RAB44: variants seen among roughly 807,000 people sequenced by gnomAD.
The protein encoded by RAB44 is ras-related protein Rab-44.
RAB44 carries 67 observed loss-of-function variants against 93.3 expected under a neutral mutation model. That is an observed-to-expected ratio of 0.72 (90% CI 0.59 to 0.88). The LOEUF (loss-of-function observed/expected upper bound fraction) is 0.88. Among genes scored for constraint, RAB44 ranks in the 40% least tolerant of loss-of-function variants. RAB44 has a pLI of 0.00. For synonymous variants in RAB44, 427 were observed against 520.3 expected, an observed-to-expected ratio of 0.82 and a Z score of 2.44; for missense variants, 1,064 against 1,261.7, an observed-to-expected ratio of 0.84 and a Z score of 2.37.
In RAB44 at chr6:36,718,010, A is replaced by G. The variant is rs563960086; in HGVS notation, c.642-18A>G. 2.8e-5 allele frequency: 34 copies of G among 1,230,672 alleles called. No homozygotes were observed. The African/African-American group carries it at 3.7e-4, about 14-fold the overall frequency. The allele number at this position is 1,230,672 out of a possible 1,614,324, so 76.2% of individuals were successfully genotyped here. Reference sequence around the variant, plus strand: ...AGGTGCTGATGGGCTGCCTGGCCCCAACTCCTGCTCCTCCCAGGCGTGACT... The same window carrying G: ...AGGTGCTGATGGGCTGCCTGGCCCCGACTCCTGCTCCTCCCAGGCGTGACT... On this transcript the variant is annotated intron_variant, in intron 5 of 13. Coordinates refer to ENST00000612677, the MANE Select transcript of RAB44 (RefSeq NM_001257357.2).
intron 11 of RAB44, among the ~76,000 whole-genome samples, chr6:36,728,428 G>A (rs1332051099): frequency 1.3e-5 from 2 of 152,188 alleles, no homozygotes; most frequent in Admixed American, 6.5e-5. Context: ...GTGCTGGACT[G>A]TTCAGAACAG....
chr6:36,726,005 C>T (rs890352504), intron 10 of RAB44, 62 bp downstream of exon 10: 3 of 1,303,120 alleles, frequency 2.3e-6, no homozygotes, highest in African/African-American at 2.9e-5. Context: ...TGCAGAGGGA[C>T]AGGGAGCAGC....
At chr6:36,721,093 G>T (rs1319937140) in intron 8 of RAB44, 58 bp from the exon 9 acceptor site, 1 of 1,231,138 alleles carries the variant, frequency 8.1e-7, no homozygotes, top group South Asian at 4.1e-5. Context: ...CAGGTGGGAT[G>T]GGTGTGACAC....
chr6:36,707,972 A>G (rs561089836), intron 2 of RAB44, among the ~76,000 whole-genome samples: 1 of 152,300 alleles, frequency 6.6e-6, no homozygotes, highest in Admixed American at 6.5e-5. Flanking sequence ...GGACTTTGGG[A>G]GGCTGAGGCA....
chr6:36,727,725 C>A, intron 11 of RAB44, 34 bp downstream of exon 11: 1 of 1,382,798 alleles, frequency 7.2e-7, no homozygotes, highest in Non-Finnish European at 1.0e-6. Context: ...GGCCCCAGTC[C>A]CTCCAGTCAA....
chr6:36,721,878 C>T lies in RAB44; in HGVS notation c.1744C>T (p.Pro582Ser). 5.7e-6 allele frequency: 7 copies of T among 1,235,192 alleles called. No homozygotes were observed. Among genetic ancestry groups the T allele is most frequent in the Non-Finnish European group, 7.1e-6 (7 of 988,852 alleles). 76.5% of individuals were successfully genotyped at this position (1,235,192 alleles called of 1,614,324 possible). The change falls in exon 9 of 14, where the codon CCG becomes TCG. Residue 582 changes from proline (P) to serine (S), a missense_variant. Transcript: ENST00000612677. ...CCTCACAGGAGTGGGCCCAGCCAAG[C>T]CGCCCAGGCAGAGAGATGCCCTCCA... Reference protein sequence around the residue: ...TALTGVGPAKPPRQRDALQQD... With the variant: ...TALTGVGPAKSPRQRDALQQD...
intron 12 of RAB44, 44 bp downstream of exon 12, chr6:36,728,845 A>G (rs1763297436): frequency 2.7e-6 from 4 of 1,464,986 alleles, no homozygotes; most frequent in African/African-American, 1.4e-5. Flanking sequence ...TGGACTGGGC[A>G]GACACCTCCC....
rs575309782 is a variant in RAB44 at position 36,730,711 on chromosome 6, G to A, written c.2937G>A (p.Leu979=). 9.2e-5 allele frequency: 113 copies of A among 1,234,230 alleles called. No homozygotes were observed. In the African/African-American group the frequency reaches 1.6e-3, roughly 17 times the overall value. The allele number at this position is 1,234,230 out of a possible 1,614,324, so 76.5% of individuals were successfully genotyped here. A position where few individuals can be genotyped will look rare whatever the true frequency, so the allele number is the denominator to read the frequency against. ...ATTTTGGGGAGTGCAGTGCCGCCTTGGGTCACAACATCCTGGAGCCTGTAG... is the reference window on the plus strand; with the variant it reads ...ATTTTGGGGAGTGCAGTGCCGCCTTAGGTCACAACATCCTGGAGCCTGTAG... ...GVYFGECSAA[L]GHNILEPVVN... is the part of the protein sequence containing the mutation. The change falls in exon 13 of 14, where the codon TTG becomes TTA. Residue 979 remains leucine (L), a synonymous_variant. Transcript: ENST00000612677.
In RAB44 at chr6:36,704,489, T is replaced by C. The variant is rs184797482; in HGVS notation, c.207+47T>C. 2.0e-5 allele frequency: 30 copies of C among 1,491,710 alleles called. No individual in the cohort carries two copies. The East Asian group carries it at 7.4e-4, about 37-fold the overall frequency. The allele number at this position is 1,491,710 out of a possible 1,614,324, so 92.4% of individuals were successfully genotyped here. ...GAATGCTGAATCCCTTTTCCGCAGCTCCTGACACCCCCTCTCCCCCATCAC... is the reference window on the plus strand; with the variant it reads ...GAATGCTGAATCCCTTTTCCGCAGCCCCTGACACCCCCTCTCCCCCATCAC... On this transcript the variant is annotated intron_variant, in intron 2 of 13. Transcript: ENST00000612677.
intron 4 of RAB44, among the ~76,000 whole-genome samples, chr6:36,716,584 C>T (rs1287891963): frequency 1.3e-5 from 2 of 152,096 alleles, no homozygotes; most frequent in African/African-American, 4.8e-5. Context: ...ACCCACTGGC[C>T]CAGGTTTGCT....
Position 36,722,524 on chromosome 6 carries a change from C to T in RAB44, c.2390C>T (p.Ala797Val), listed in dbSNP as rs1392406527. The part of the protein sequence containing the change: ...QGPPHSREPR[A>V]ESRLEDPGMD... The stretch of plus-strand genomic sequence containing the variant: ...CCGCCTCACTCCAGGGAACCAAGGG[C>T]AGAGAGCAGGCTTGAAGATCCAGGA... Residue 797 changes from alanine (A) to valine (V), a missense_variant, in exon 9 of 14, where the codon GCA (alanine) becomes GTA (valine). By Grantham distance (64) the Ala-to-Val change is moderately conservative. Coordinates refer to ENST00000612677, the MANE Select transcript of RAB44 (RefSeq NM_001257357.2). The T allele has an allele frequency of 2.3e-5, 35 of 1,526,250 alleles. 1 individual carries two copies. In the South Asian group the frequency reaches 4.1e-4, roughly 18 times the overall value. 94.5% of individuals were successfully genotyped at this position (1,526,250 alleles called of 1,614,324 possible). A position where few individuals can be genotyped will look rare whatever the true frequency, so the allele number is the denominator to read the frequency against.
At chr6:36,727,512 C>A in intron 10 of RAB44, 65 bp from the exon 11 acceptor site, 1 of 1,123,450 alleles carries the variant, frequency 8.9e-7, no homozygotes, top group Non-Finnish European at 1.3e-6. Flanking sequence ...ACTTCTCCCA[C>A]TTTGCAGAGG....
At chr6:36,720,616 T>G in intron 8 of RAB44, 66 bp downstream of exon 8, 1 of 1,158,662 alleles carries the variant, frequency 8.6e-7, no homozygotes, top group Non-Finnish European at 1.1e-6. Context: ...TGGGGAACTC[T>G]GAGTTCTCTA....
Position 36,715,504 on chromosome 6 carries a change from C to A in RAB44, c.345C>A (p.Ser115Arg), listed in dbSNP as rs1000743433. The change falls in exon 4 of 14, where the codon AGC (serine) becomes AGA (arginine). Residue 115 changes from serine to arginine, a missense_variant. Coordinates refer to ENST00000612677, the MANE Select transcript of RAB44 (RefSeq NM_001257357.2). ...AAAACATCTTTGGCTCCAGCCAGAG[C>A]CCCCACAGGCTCCGCAGAAGGAAGC... The part of the protein sequence containing the change: ...GLKNIFGSSQ[S>R]PHRLRRRKPL... 1.9e-5 allele frequency: 29 copies of A among 1,536,020 alleles called. No individual in the cohort carries two copies. In the African/African-American group the frequency reaches 3.0e-4, roughly 16 times the overall value.
At chr6:36,720,222 G>C in intron 7 of RAB44, 141 bp from the exon 8 acceptor site, 1 of 617,568 alleles carries the variant, frequency 1.6e-6, no homozygotes, top group Non-Finnish European at 2.3e-6. Flanking sequence ...AGGGATAACC[G>C]CCCACCACTA....
rs1000864596 is a variant in RAB44 at position 36,726,047 on chromosome 6, C to T, written c.2681+104C>T. 6.9e-6 allele frequency: 6 copies of T among 874,996 alleles called. No homozygotes were observed. In the African/African-American group the frequency reaches 1.0e-4, roughly 15 times the overall value. 54.2% of individuals were successfully genotyped at this position (874,996 alleles called of 1,614,324 possible). On this transcript the variant is annotated intron_variant, in intron 10 of 13. Coordinates refer to ENST00000612677, the MANE Select transcript of RAB44 (RefSeq NM_001257357.2). ...AACACAGGCAGGAGGCAACTGCCCC[C>T]CAAGGATTCAGGAGGTCAGGGAAGG...
chr6:36,727,357 AGGAAGGAGACTTT>A (rs1763262330), intron 10 of RAB44, among the ~76,000 whole-genome samples: 1 of 152,144 alleles, frequency 6.6e-6, no homozygotes, highest in Admixed American at 6.5e-5. Flanking sequence ...ATGGGGCAGA[AGGAAGGAGACTTT>A]TCATTGAGTT....
chr6:36,727,591 C>A lies in RAB44; in HGVS notation c.2696C>A (p.Thr899Lys). The part of the protein sequence containing the change: ...TAGQERYHSM[T>K]RQLLRKADGV... Reference sequence around the variant, plus strand: ...TCTCTGGGCAGGTACCACAGTATGACGCGACAGCTGCTCCGCAAGGCTGAC... The same window carrying A: ...TCTCTGGGCAGGTACCACAGTATGAAGCGACAGCTGCTCCGCAAGGCTGAC... Residue 899 changes from threonine (T) to lysine (K), a missense_variant, in exon 11 of 14, where the codon ACG (threonine) becomes AAG (lysine). Physicochemically the swap from Thr to Lys is moderately conservative, Grantham distance 78. Coordinates refer to ENST00000612677, the MANE Select transcript of RAB44 (RefSeq NM_001257357.2). 1 of 1,550,398 alleles carries A rather than the reference C, an allele frequency of 6.4e-7. No homozygotes were observed. The highest frequency in any genetic ancestry group is 1.2e-5 in the South Asian group (1 of 84,058).
chr6:36,721,213 T>G lies in RAB44; in HGVS notation c.1079T>G (p.Leu360Arg). 8.3e-7 allele frequency: 1 copy of G among 1,207,190 alleles called. No individual in the cohort carries two copies. 74.8% of individuals were successfully genotyped at this position (1,207,190 alleles called of 1,614,324 possible). A position where few individuals can be genotyped will look rare whatever the true frequency, so the allele number is the denominator to read the frequency against. Residue 360 changes from leucine (L) to arginine (R), a missense_variant, in exon 9 of 14, where the codon CTG becomes CGG. Coordinates refer to ENST00000612677, the MANE Select transcript of RAB44 (RefSeq NM_001257357.2). ...GCTGCCTCCCCTGAGGAGGCCCCCC[T>G]GCCTGGGCTATTTGGGGACAACGAT... ...PQAASPEEAPLPGLFGDNDDW... is the reference protein window; with the variant it reads ...PQAASPEEAPRPGLFGDNDDW...
Sources: allele counts gnomAD v4.1 joint callset (sites outside exome capture counted in the v4.1 genomes callset), GRCh38; gene constraint gnomAD v4.1.1; transcripts MANE v1.5; gene names NCBI Gene and HGNC (gene_info 2026-07-23, HGNC 2026-07-21).